TNK2: variants seen among roughly 807,000 people sequenced by gnomAD.
TNK2 encodes tyrosine kinase non receptor 2, also known as activated CDC42 kinase 1.
In TNK2, 83 loss-of-function variants were observed where a neutral mutation model predicts 101.8. The observed-to-expected ratio is 0.82, with a 90% CI of 0.68 to 0.98. The LOEUF (loss-of-function observed/expected upper bound fraction) is 0.98. Among genes scored for constraint, TNK2 ranks in the 50% least tolerant of loss-of-function variants. The probability of loss-of-function intolerance (pLI) is 0.00; values close to 1 mark genes in which losing one functional copy is unlikely to be tolerated. For missense variants in TNK2, 1,665 were observed against 1,483.2 expected (o/e 1.12, Z -2.01); for synonymous variants, 804 against 633.0 (o/e 1.27, Z -4.06).
chr3:195,879,467 G>A (rs1751210396), intron 6 of TNK2: 1 of 308,334 alleles, frequency 3.2e-6, no homozygotes, highest in African/African-American at 2.1e-5. Flanking sequence ...AGAGGCTCTG[G>A]GATGGGGCAG....
intron 12 of TNK2, chr3:195,869,242 G>C: frequency 3.4e-6 from 2 of 592,616 alleles, no homozygotes; most frequent in Non-Finnish European, 6.0e-6. Flanking sequence ...TCGTGCTCCA[G>C]AAGCTCAGAC....
intron 9 of TNK2, among the ~76,000 whole-genome samples, chr3:195,873,724 C>T (rs2149359624): frequency 6.6e-6 from 1 of 152,298 alleles, no homozygotes; most frequent in African/African-American, 2.4e-5. Context: ...AGACCCACAG[C>T]CTTGTAAGGT....
chr3:195,879,906 T>C (rs1332050401), intron 6 of TNK2, among the ~76,000 whole-genome samples: 2 of 152,136 alleles, frequency 1.3e-5, no homozygotes, highest in African/African-American at 2.4e-5. Context: ...ACTATATTCA[T>C]ACCTTACCAT....
At chr3:195,865,032 CAGTA>C (rs1254421967) in intron 15 of TNK2, among the ~76,000 whole-genome samples, 6 of 140,042 alleles carry the variant, frequency 4.3e-5, no homozygotes, top group Non-Finnish European at 7.8e-5. Context: ...GGGTGCAAAT[CAGTA>C]AGAACCACCC....
At position 195,864,039 on chromosome 3, in the gene TNK2, G is replaced by T; in HGVS notation, c.*142C>A. On this transcript the variant is annotated 3_prime_UTR_variant, in exon 16 of 16. Coordinates refer to ENST00000672887, the MANE Select transcript of TNK2 (RefSeq NM_001382273.1). ...GGCAGGGCAGGGCTCCCAGCCTCCC[G>T]CAGCCTTGGCCTTGCTCCATCCCCG... 8.8e-7 allele frequency: 1 copy of T among 1,141,822 alleles called. No homozygotes were observed. 70.7% of individuals were successfully genotyped at this position (1,141,822 alleles called of 1,614,324 possible).
At chr3:195,895,279 G>A (rs1355660256) in intron 1 of TNK2, 3 of 1,565,414 alleles carry the variant, frequency 1.9e-6, no homozygotes, top group African/African-American at 1.4e-5. Context: ...CCAGGCGCTG[G>A]TAAGCAGATC....
intron 6 of TNK2, among the ~76,000 whole-genome samples, chr3:195,879,805 G>GGGAAAGTCACTCGA (rs781332169): frequency 4.5e-4 from 68 of 152,180 alleles, no homozygotes; most frequent in Admixed American, 8.5e-4. Context: ...GGATGGGGCC[G>GGGAAAGTCACTCGA]GGAAAGTCAC....
chr3:195,883,110 G>C, intron 5 of TNK2, 47 bp downstream of exon 5: 2 of 1,592,530 alleles, frequency 1.3e-6, no homozygotes, highest in Non-Finnish European at 1.7e-6. Flanking sequence ...ACACATATGG[G>C]ACCGGAGCCC....
At chr3:195,875,710 G>C (rs1748744833) in intron 9 of TNK2, among the ~76,000 whole-genome samples, 1 of 152,204 alleles carries the variant, frequency 6.6e-6, no homozygotes, top group South Asian at 2.1e-4. Context: ...GGGAGGGCCA[G>C]GGCTGCTACC....
chr3:195,889,686 C>T (rs899290695), intron 1 of TNK2, among the ~76,000 whole-genome samples: 1 of 152,042 alleles, frequency 6.6e-6, no homozygotes, highest in African/African-American at 2.4e-5. Flanking sequence ...CCAGTGGTAC[C>T]GGAGAGTGAC....
At chr3:195,872,513 G>T in intron 9 of TNK2, 43 bp from the exon 10 acceptor site, 1 of 1,541,320 alleles carries the variant, frequency 6.5e-7, no homozygotes, top group South Asian at 1.3e-5. Context: ...GCGTGGCGGG[G>T]CAGCCCCGGC....
chr3:195,888,730 A>C lies in TNK2; in HGVS notation c.-18-124T>G. On this transcript the variant is annotated intron_variant, in intron 1 of 15. Transcript: ENST00000672887. The surrounding 1 kb of genome is among the most constrained non-coding windows in gnomAD (Gnocchi z 5.3). ...CCGGAAGGGCTCACACCACCTTCTGACTCCCGAGGGAAGCTACCGAGAACC... is the reference window on the plus strand; with the variant it reads ...CCGGAAGGGCTCACACCACCTTCTGCCTCCCGAGGGAAGCTACCGAGAACC... The C allele has an allele frequency of 1.1e-6, 1 of 918,534 alleles. No homozygotes were observed. The highest frequency in any genetic ancestry group is 2.8e-5 in the East Asian group (1 of 36,156). The allele number at this position is 918,534 out of a possible 1,614,324, so 56.9% of individuals were successfully genotyped here.
chr3:195,890,166 C>T (rs1278551377), intron 1 of TNK2, among the ~76,000 whole-genome samples: 1 of 152,246 alleles, frequency 6.6e-6, no homozygotes, highest in African/African-American at 2.4e-5. Context: ...GCTGGGCCAG[C>T]CGGGTGGTTT....
intron 4 of TNK2, 40 bp downstream of exon 4, chr3:195,884,772 C>T (rs1754836200): frequency 6.4e-7 from 1 of 1,558,562 alleles, no homozygotes; most frequent in African/African-American, 1.4e-5. Context: ...AGCCCCGGGT[C>T]CCATGCCTCT....
At chr3:195,881,905 T>C in intron 6 of TNK2, 146 bp downstream of exon 6, 1 of 915,310 alleles carries the variant, frequency 1.1e-6, no homozygotes, top group Non-Finnish European at 1.6e-6. Context: ...GGTGAGCGAA[T>C]GGGTGCAAAG....
Position 195,883,165 on chromosome 3 carries a change from T to C in TNK2, c.601A>G (p.Met201Val). The C allele has an allele frequency of 6.7e-7, 1 of 1,495,258 alleles. No individual in the cohort carries two copies. Among genetic ancestry groups the C allele is most frequent in the Non-Finnish European group, 9.0e-7 (1 of 1,107,956 alleles). 92.6% of individuals were successfully genotyped at this position (1,495,258 alleles called of 1,614,324 possible). A position where few individuals can be genotyped will look rare whatever the true frequency, so the allele number is the denominator to read the frequency against. The part of the protein sequence containing the change: ...RLYGVVLTPP[M>V]KMVTELAPLG... Reference sequence around the variant, plus strand: ...CCGCCCGCAGTACTCACCATCTTCATGGGCGGCGTGAGCACCACCCCGTAG... The same window carrying C: ...CCGCCCGCAGTACTCACCATCTTCACGGGCGGCGTGAGCACCACCCCGTAG... The change falls in exon 5 of 16, where the codon ATG becomes GTG. Residue 201 changes from methionine (M) to valine (V), a missense_variant. Around this residue, in one of 3 missense-constraint regions of TNK2, gnomAD observed 490 missense variants for 522.5 expected, o/e 0.94. Transcript: ENST00000672887.
Position 195,885,006 on chromosome 3 carries a change from C to G in TNK2, c.262G>C (p.Glu88Gln), listed in dbSNP as rs1754973246. The G allele has an allele frequency of 2.5e-6, 4 of 1,606,930 alleles. No individual in the cohort carries two copies. The highest frequency in any genetic ancestry group is 3.4e-6 in the Non-Finnish European group (4 of 1,175,506). The change falls in exon 4 of 16, where the codon GAG becomes CAG. Residue 88 changes from glutamate (E) to glutamine (Q), a missense_variant. Glu to Gln is a conservative substitution (Grantham distance 29). This residue lies in a region of TNK2 where 490 missense variants were observed against 522.5 expected (regional missense o/e 0.94). Transcript: ENST00000672887. The surrounding 1 kb of genome is among the most constrained non-coding windows in gnomAD (Gnocchi z 4.7). ...CTCTGAGAGTGATGAGGTGGGAACT[C>G]AGCCTCCAGTCGCTTTCCACTGAAC... ...KVFSGKRLEA[E>Q]FPPHHSQSTF...
At chr3:195,876,533 A>C (rs767324087) in intron 9 of TNK2, 2 of 456,574 alleles carry the variant, frequency 4.4e-6, no homozygotes, top group Non-Finnish European at 8.8e-6. Flanking sequence ...GGGCAGAGTC[A>C]AGCTCTGCCA....
chr3:195,864,825 C>A (rs1294108715), intron 15 of TNK2, among the ~76,000 whole-genome samples: 1 of 142,214 alleles, frequency 7.0e-6, no homozygotes, highest in Non-Finnish European at 1.5e-5. Flanking sequence ...TGCCTGCGTC[C>A]CAGGTGCAAA....
Sources: gnomAD v4.1 joint callset for allele counts (sites outside exome capture counted in the v4.1 genomes callset) on GRCh38, gnomAD v4.1.1 for gene constraint, gnomAD v4.1.1 regional missense constraint, Gnocchi (gnomAD v3.1) non-coding constraint, MANE v1.5 for transcripts, NCBI Gene and HGNC (gene_info 2026-07-23, HGNC 2026-07-21) for gene names.